Variants in RALGAPA2 observed in about 807,000 individuals in gnomAD.
The protein encoded by RALGAPA2 is Ral GTPase activating protein catalytic subunit alpha 2, also known as ral GTPase-activating protein subunit alpha-2.
Under a neutral mutation model 230.4 loss-of-function variants are expected in RALGAPA2, and 139 were observed. The ratio of observed to expected loss-of-function variants is 0.60; its 90% confidence interval spans 0.53 to 0.69. The LOEUF is 0.69. Ranked by LOEUF, RALGAPA2 falls within the 30% of genes least tolerant of loss-of-function variation. The pLI, the probability that RALGAPA2 is intolerant of heterozygous loss-of-function variation, is 0.00. For missense variants in RALGAPA2, 2,163 were observed against 2,276.0 expected (o/e 0.95, Z 1.01); for synonymous variants, 847 against 837.8 (o/e 1.01, Z -0.19).
chr20:20,519,986 A>G (rs2062987766), intron 31 of RALGAPA2, among the ~76,000 whole-genome samples: 1 of 152,042 alleles, frequency 6.6e-6, no homozygotes, highest in Non-Finnish European at 1.5e-5. Flanking sequence ...TGCTCAAGTG[A>G]TCTGCTCGCC....
At chr20:20,637,572 T>C in intron 7 of RALGAPA2, 71 bp from the exon 8 acceptor site, 1 of 1,305,028 alleles carries the variant, frequency 7.7e-7, no homozygotes, top group Non-Finnish European at 1.0e-6. Flanking sequence ...AACTGAAGTG[T>C]TGTTATGTTA....
intron 37 of RALGAPA2, among the ~76,000 whole-genome samples, chr20:20,460,988 T>C (rs962646616): frequency 6.6e-6 from 1 of 152,202 alleles, no homozygotes; most frequent in African/African-American, 2.4e-5. Context: ...AACCCACACT[T>C]AGGCTAAAAT....
intron 33 of RALGAPA2, among the ~76,000 whole-genome samples, chr20:20,507,832 A>G (rs927244749): frequency 3.3e-5 from 5 of 152,240 alleles, no homozygotes; most frequent in South Asian, 4.1e-4. Flanking sequence ...GGATAATAAC[A>G]GAAACCATAA....
intron 38 of RALGAPA2, among the ~76,000 whole-genome samples, chr20:20,402,228 G>C (rs749632498): frequency 6.6e-6 from 1 of 152,220 alleles, no homozygotes; most frequent in Non-Finnish European, 1.5e-5. Context: ...TGGGAGGGGG[G>C]ACTCTGGGGA....
At chr20:20,535,281 A>C (rs545793198) in intron 26 of RALGAPA2, among the ~76,000 whole-genome samples, 2 of 152,176 alleles carry the variant, frequency 1.3e-5, no homozygotes, top group Non-Finnish European at 2.9e-5. Flanking sequence ...AGTGGCCCAG[A>C]AAACCTCATA....
In RALGAPA2 at chr20:20,611,330, T is replaced by C; in HGVS notation, c.1785A>G (p.Ala595=). 1 of 1,612,130 alleles carries C rather than the reference T, an allele frequency of 6.2e-7. No individual in the cohort carries two copies. The highest frequency in any genetic ancestry group is 8.5e-7 in the Non-Finnish European group (1 of 1,178,752). ...AAAGACTTACCCTAAATAGTAACCCTGCCAAGCTCTGGGCAAACAAGTCCT... is the reference window on the plus strand; with the variant it reads ...AAAGACTTACCCTAAATAGTAACCCCGCCAAGCTCTGGGCAAACAAGTCCT... ...QIKDLFAQSL[A]GLLFRTLMVA... Residue 595 remains alanine (A), a synonymous_variant, in exon 14 of 40, where the codon GCA becomes GCG. Transcript: ENST00000202677.
intron 10 of RALGAPA2, among the ~76,000 whole-genome samples, chr20:20,624,048 T>C (rs2066407604): frequency 1.3e-5 from 2 of 152,174 alleles, no homozygotes; most frequent in Non-Finnish European, 2.9e-5. Context: ...AAAAAGACGC[T>C]GGACGCGGTA....
chr20:20,641,353 A>G lies in RALGAPA2; in HGVS notation c.373-475T>C, dbSNP rs189362263. Among the ~76,000 whole-genome samples, 541 of 152,322 alleles carry G rather than the reference A, an allele frequency of 3.6e-3. 5 individuals carry two copies. The highest frequency in any genetic ancestry group is 3.4e-3 in the Non-Finnish European group (229 of 68,036). ...ATTATCCATAAAAACAATGACAAAG[A>G]TAATCTCCCTCCAAATTTACATGTG... On this transcript the variant is annotated intron_variant, in intron 5 of 39. Transcript: ENST00000202677.
rs757588267 is a variant in RALGAPA2, at chr20:20,412,010, ATAAT to A, written c.5617+13_5617+16del. ...TGCGTCTTAAGCGCGTGAGAGAAGA[ATAAT>A]GTAGACACTCACCCGTTCCGCTGAG... On this transcript the variant is annotated intron_variant, in intron 38 of 39. Coordinates refer to ENST00000202677, the MANE Select transcript of RALGAPA2 (RefSeq NM_020343.4). The A allele has an allele frequency of 6.2e-6, 10 of 1,613,822 alleles. No individual in the cohort carries two copies. Among genetic ancestry groups the A allele is most frequent in the Non-Finnish European group, 8.5e-6 (10 of 1,179,814 alleles).
At chr20:20,500,917 G>A (rs2062355531) in intron 35 of RALGAPA2, among the ~76,000 whole-genome samples, 1 of 152,228 alleles carries the variant, frequency 6.6e-6, no homozygotes, top group Non-Finnish European at 1.5e-5. Context: ...CAGAGCTCTT[G>A]AGTGATGAGG....
intron 3 of RALGAPA2, among the ~76,000 whole-genome samples, chr20:20,663,472 T>G (rs549961747): frequency 6.6e-6 from 1 of 152,240 alleles, no homozygotes; most frequent in South Asian, 2.1e-4. Flanking sequence ...AGCATATAGT[T>G]TTTTTCTTTC....
chr20:20,456,135 T>C (rs2061112296), intron 37 of RALGAPA2, among the ~76,000 whole-genome samples: 1 of 152,244 alleles, frequency 6.6e-6, no homozygotes, highest in Admixed American at 6.5e-5. Context: ...TTAAGTCATT[T>C]CCTCCCATGC....
chr20:20,476,674 A>AAAAT (rs557603048), intron 36 of RALGAPA2, among the ~76,000 whole-genome samples: 65,228 of 139,174 alleles, frequency 0.47, 15,885 homozygotes, highest in Middle Eastern at 0.53. Flanking sequence ...CATAAATCAT[A>AAAAT]AAATAAATAA....
intron 37 of RALGAPA2, among the ~76,000 whole-genome samples, chr20:20,436,560 T>A (rs1468271471): frequency 6.6e-6 from 1 of 152,182 alleles, no homozygotes; most frequent in East Asian, 1.9e-4. Context: ...CAGCCGGTCC[T>A]GGGCCCTGGC....
intron 36 of RALGAPA2, among the ~76,000 whole-genome samples, chr20:20,476,039 A>G (rs2061643351): frequency 6.6e-6 from 1 of 152,212 alleles, no homozygotes; most frequent in South Asian, 2.1e-4. Context: ...AGACATCTAT[A>G]TTGAAAACTA....
At chr20:20,576,425 T>C (rs900058400) in intron 20 of RALGAPA2, among the ~76,000 whole-genome samples, 1 of 152,128 alleles carries the variant, frequency 6.6e-6, no homozygotes, top group Admixed American at 6.6e-5. Context: ...TTTTAAGGAG[T>C]ACTGGCTTTA....
chr20:20,616,144 A>G lies in RALGAPA2; in HGVS notation c.1587T>C (p.Ala529=). ...GTTCTTTCAAGAGCACAGGAACTTCAGCACATGGTTCCAACAAAAAGATGT... is the reference window on the plus strand; with the variant it reads ...GTTCTTTCAAGAGCACAGGAACTTCGGCACATGGTTCCAACAAAAAGATGT... ...SANIFLLEPC[A]EVPVLLKEQV... Residue 529 remains alanine (A), a synonymous_variant, in exon 13 of 40, where the codon GCT becomes GCC. Coordinates refer to ENST00000202677, the MANE Select transcript of RALGAPA2 (RefSeq NM_020343.4). The G allele has an allele frequency of 6.4e-7, 1 of 1,550,940 alleles. No homozygotes were observed. The highest frequency in any genetic ancestry group is 8.7e-7 in the Non-Finnish European group (1 of 1,148,388).
At chr20:20,406,700 CCAGGAGTTCAA>C (rs2059954419) in intron 38 of RALGAPA2, among the ~76,000 whole-genome samples, 1 of 152,166 alleles carries the variant, frequency 6.6e-6, no homozygotes, top group Admixed American at 6.5e-5. Flanking sequence ...TCGCTTGAAC[CCAGGAGTTCAA>C]GACCAGCCTG....
intron 24 of RALGAPA2, among the ~76,000 whole-genome samples, chr20:20,539,856 C>A (rs2063597122): frequency 6.6e-6 from 1 of 152,166 alleles, no homozygotes; most frequent in South Asian, 2.1e-4. Flanking sequence ...ATAAGTGACA[C>A]CACACAGTAT....
Sources: allele counts gnomAD v4.1 joint callset (sites outside exome capture counted in the v4.1 genomes callset), GRCh38; gene constraint gnomAD v4.1.1; transcripts MANE v1.5; gene names NCBI Gene and HGNC (gene_info 2026-07-23, HGNC 2026-07-21).